BPIFB3: variants seen among roughly 807,000 people sequenced by gnomAD.
The protein encoded by BPIFB3 is BPI fold containing family B member 3, also known as BPI fold-containing family B member 3.
BPIFB3 carries 49 observed loss-of-function variants against 53.1 expected under a neutral mutation model. The ratio of observed to expected loss-of-function variants is 0.92; its 90% CI spans 0.73 to 1.17. BPIFB3 has a LOEUF of 1.17. Among genes scored for constraint, BPIFB3 ranks in the 50% most tolerant of loss-of-function variants. The probability of loss-of-function intolerance (pLI) is 0.00; values close to 1 mark genes in which losing one functional copy is unlikely to be tolerated. For synonymous variants in BPIFB3, 271 were observed against 269.6 expected (o/e 1.01, Z -0.05); for missense variants, 628 against 592.5 (o/e 1.06, Z -0.62).
At chr20:33,072,887 C>A (rs2146395225) in intron 14 of BPIFB3, 94 bp downstream of exon 15, 1 of 1,090,426 alleles carries the variant, frequency 9.2e-7, no homozygotes, top group South Asian at 1.3e-5. Context: ...TTTGCTTCAT[C>A]CTCTTGTCTG....
At position 33,064,846 on chromosome 20, in the gene BPIFB3, G is replaced by C. The variant is rs1490814346; in HGVS notation, c.924+1G>C. The C allele has an allele frequency of 6.2e-7, 1 of 1,611,066 alleles. No homozygotes were observed. The highest frequency in any genetic ancestry group is 1.3e-5 in the African/African-American group (1 of 74,926). On this transcript the variant is annotated splice_donor_variant, in intron 8 of 14. Transcript: ENST00000375494. LOFTEE classifies it high-confidence loss of function. ...CGACATGGACATCACCCCTGAGCTG[G>C]TGAGTGTGGTGCCCGGGGGATGGGG... is the stretch of plus-strand genomic sequence containing the variant.
intron 13 of BPIFB3, 141 bp from the exon 15 acceptor site, chr20:33,072,576 C>A: frequency 1.4e-6 from 1 of 715,456 alleles, no homozygotes; most frequent in Non-Finnish European, 2.4e-6. Flanking sequence ...TAGGAGTTTG[C>A]CAATAAGAAG....
exon 1 of BPIFB3, chr20:33,055,495 G>A (rs1980156175): frequency 5.6e-6 from 9 of 1,613,768 alleles, no homozygotes; most frequent in Non-Finnish European, 6.8e-6. Flanking sequence ...GCCAGGAGCT[G>A]CTAGAGACGG....
intron 10 of BPIFB3, among the ~76,000 whole-genome samples, chr20:33,069,252 C>T (rs925745954): frequency 7.9e-5 from 12 of 152,278 alleles, no homozygotes; most frequent in African/African-American, 2.9e-4. Flanking sequence ...CCCATCTCCC[C>T]AGCCTCTCTG....
At chr20:33,061,685 G>C in intron 4 of BPIFB3, 83 bp from the exon 6 acceptor site, 1 of 1,352,268 alleles carries the variant, frequency 7.4e-7, no homozygotes. Context: ...GAAATCCAGA[G>C]CCCCTAGTGT....
chr20:33,066,968 G>A (rs1980696110), intron 9 of BPIFB3, 91 bp downstream of exon 10: 2 of 1,341,442 alleles, frequency 1.5e-6, no homozygotes, highest in Non-Finnish European at 2.1e-6. Flanking sequence ...CAGCTCTCCA[G>A]GCAACTGCAA....
At chr20:33,068,818 C>A in exon 10 of BPIFB3, 1 of 1,613,696 alleles carries the variant, frequency 6.2e-7, no homozygotes, top group Non-Finnish European at 8.5e-7. Context: ...GGGGAAGCTG[C>A]CCCTGCACCA....
chr20:33,059,835 G>A lies in BPIFB3; in HGVS notation c.387-56G>A, dbSNP rs932825473. 27 of 1,587,958 alleles carry A rather than the reference G, an allele frequency of 1.7e-5. No homozygotes were observed. The Admixed American group carries it at 2.3e-4, about 13-fold the overall frequency. On this transcript the variant is annotated intron_variant, in intron 3 of 14. Transcript: ENST00000375494. ...CACTGGCAGGGCCACCCTGGTGGGC[G>A]GGGCCAAGGGTGGGAGCTGGCTGCC... is the stretch of plus-strand genomic sequence containing the variant.
chr20:33,068,622 C>T (rs1163515313), intron 9 of BPIFB3, among the ~76,000 whole-genome samples, 181 bp from the exon 11 acceptor site: 1 of 152,144 alleles, frequency 6.6e-6, no homozygotes, highest in Non-Finnish European at 1.5e-5. Flanking sequence ...TCCTGCAGGT[C>T]GGTGTCTCCA....
At chr20:33,056,406 C>T in intron 1 of BPIFB3, 136 bp from the exon 3 acceptor site, 7 of 1,172,850 alleles carry the variant, frequency 6.0e-6, no homozygotes, top group Non-Finnish European at 8.4e-6. Flanking sequence ...TGGGTTCCAC[C>T]ATTTGAGTGT....
At chr20:33,059,529 C>T in intron 3 of BPIFB3, 47 bp downstream of exon 4, 1 of 1,407,678 alleles carries the variant, frequency 7.1e-7, no homozygotes, top group South Asian at 1.2e-5. Context: ...CTATCCCACC[C>T]CCTGACCTGT....
At chr20:33,072,450 A>G (rs905418971) in intron 13 of BPIFB3, among the ~76,000 whole-genome samples, 1 of 152,256 alleles carries the variant, frequency 6.6e-6, no homozygotes, top group Non-Finnish European at 1.5e-5. Flanking sequence ...AATGATTAGA[A>G]TATAGATGAC....
At chr20:33,059,151 G>C (rs73904446) in intron 2 of BPIFB3, among the ~76,000 whole-genome samples, 1 of 152,112 alleles carries the variant, frequency 6.6e-6, no homozygotes, top group Non-Finnish European at 1.5e-5. Flanking sequence ...TTCTGCACTC[G>C]AATTATCTCA....
In BPIFB3 at chr20:33,061,844, G is replaced by A. The variant is rs149208047; in HGVS notation, c.591+13G>A. The A allele has an allele frequency of 1.2e-3, 1,965 of 1,614,066 alleles. 12 individuals carry two copies. In the African/African-American group the frequency reaches 0.018, roughly 15 times the overall value. On this transcript the variant is annotated intron_variant, in intron 5 of 14. Transcript: ENST00000375494. ...GCTTCCGGGACTGGTGAGTGTGCGG[G>A]CCGTGTGCCAGCATGCCCTCTCCCA... is the stretch of plus-strand genomic sequence containing the variant.
chr20:33,064,298 T>G (rs1165464694), intron 6 of BPIFB3, among the ~76,000 whole-genome samples, 159 bp from the exon 8 acceptor site: 1 of 152,148 alleles, frequency 6.6e-6, no homozygotes, highest in Non-Finnish European at 1.5e-5. Context: ...TGTCTAAGCC[T>G]CAATTTCCAC....
chr20:33,073,615 A>G (rs1980991860), exon 15 of BPIFB3: 1 of 1,613,826 alleles, frequency 6.2e-7, no homozygotes, highest in African/African-American at 1.3e-5. Context: ...AGGCTGAGAC[A>G]TGGCCACCAG....
intron 6 of BPIFB3, 140 bp downstream of exon 7, chr20:33,063,815 C>T (rs1171921351): frequency 4.7e-6 from 4 of 856,304 alleles, no homozygotes; most frequent in South Asian, 1.9e-5. Flanking sequence ...CAGGCTGCCC[C>T]TTTGAGGAGC....
rs1600535282 is a variant in BPIFB3, at chr20:33,056,835, A to G, written c.281+137A>G. On this transcript the variant is annotated intron_variant, in intron 2 of 14. Transcript: ENST00000375494. ...GGGTTGTGATCCGGGTCTAAAAATG[A>G]TGACTCTACTGCATGCCTGGCAGGA... 3.7e-6 allele frequency: 4 copies of G among 1,091,094 alleles called. No individual in the cohort carries two copies. The South Asian group carries it at 5.1e-5, about 14-fold the overall frequency. 67.6% of individuals were successfully genotyped at this position (1,091,094 alleles called of 1,614,324 possible). A position where few individuals can be genotyped will look rare whatever the true frequency, so the allele number is the denominator to read the frequency against.
intron 14 of BPIFB3, among the ~76,000 whole-genome samples, chr20:33,073,058 G>GAATGGAACCTCTAGAATGGAA (rs1980973241): frequency 6.6e-6 from 1 of 152,156 alleles, no homozygotes; most frequent in Non-Finnish European, 1.5e-5. Flanking sequence ...AGACATGTCT[G>GAATGGAACCTCTAGAATGGAA]GCCTCTAGAA....
Sources: gnomAD v4.1 joint callset for allele counts (sites outside exome capture counted in the v4.1 genomes callset) on GRCh38, gnomAD v4.1.1 for gene constraint, MANE v1.5 for transcripts, NCBI Gene and HGNC (gene_info 2026-07-23, HGNC 2026-07-21) for gene names.